CANX: variants seen among roughly 807,000 people sequenced by gnomAD.
CANX encodes the protein calnexin.
Under a neutral mutation model 75.7 loss-of-function variants are expected in CANX, and 14 were observed. The ratio of observed to expected loss-of-function variants is 0.19; its 90% CI spans 0.12 to 0.29. The LOEUF is 0.29. Ranked by LOEUF, CANX falls within the 10% of genes least tolerant of loss-of-function variation. CANX has a pLI of 1.00. For missense variants in CANX, 567 were observed against 713.2 expected, an observed-to-expected ratio of 0.79 and a Z score of 2.34; for synonymous variants, 227 against 236.9, an observed-to-expected ratio of 0.96 and a Z score of 0.38.
At chr5:179,724,102 C>T (rs988034503) in intron 12 of CANX, among the ~76,000 whole-genome samples, 2 of 152,266 alleles carry the variant, frequency 1.3e-5, no homozygotes, top group Non-Finnish European at 2.9e-5. Flanking sequence ...TCAGCTTTGC[C>T]TGCTGGCATA....
chr5:179,690,103 C>A (rs550263504), intron 1 of CANX, among the ~76,000 whole-genome samples: 1 of 152,294 alleles, frequency 6.6e-6, no homozygotes, highest in East Asian at 1.9e-4. Flanking sequence ...GGCTGTGAAT[C>A]ACACTGGGTG....
chr5:179,721,924 T>C (rs969566784), intron 10 of CANX, among the ~76,000 whole-genome samples: 3 of 152,146 alleles, frequency 2.0e-5, no homozygotes, highest in African/African-American at 7.2e-5. Flanking sequence ...TACTAATATA[T>C]GTTTTTCTGT....
chr5:179,718,871 G>T (rs1778131827), intron 8 of CANX, among the ~76,000 whole-genome samples: 1 of 151,698 alleles, frequency 6.6e-6, no homozygotes, highest in Admixed American at 6.6e-5. Context: ...CGTCATATTG[G>T]TCAGGCCGGT....
At chr5:179,717,335 C>T (rs919539261) in intron 8 of CANX, among the ~76,000 whole-genome samples, 2 of 152,152 alleles carry the variant, frequency 1.3e-5, no homozygotes, top group Non-Finnish European at 2.9e-5. Flanking sequence ...GCTTTATCAC[C>T]TAAGAAGGCC....
At chr5:179,684,924 GTATTTTTTTTTTT>G (rs1293991855) in intron 1 of CANX, among the ~76,000 whole-genome samples, 4 of 28,984 alleles carry the variant, frequency 1.4e-4, no homozygotes, top group Non-Finnish European at 2.0e-4. Flanking sequence ...GGCTAATTTT[GTATTTTTTTTTTT>G]TTTTTTTTTT....
intron 13 of CANX, among the ~76,000 whole-genome samples, chr5:179,725,197 T>G (rs1778566350): frequency 6.6e-6 from 1 of 151,980 alleles, no homozygotes; most frequent in East Asian, 1.9e-4. Flanking sequence ...AGCTGTTTGT[T>G]TGTTTGTTTG....
chr5:179,727,713 G>A (rs188277504), intron 14 of CANX, among the ~76,000 whole-genome samples: 3 of 152,282 alleles, frequency 2.0e-5, no homozygotes, highest in Admixed American at 6.5e-5. Context: ...GAATCAGGGC[G>A]ACCAGTTAGG....
chr5:179,725,215 A>G (rs1448205098), intron 13 of CANX, among the ~76,000 whole-genome samples: 2 of 151,728 alleles, frequency 1.3e-5, no homozygotes, highest in Non-Finnish European at 2.9e-5. Context: ...TTGTTTATTG[A>G]TTTATTTATT....
At chr5:179,714,068 A>G (rs1207252236) in intron 7 of CANX, among the ~76,000 whole-genome samples, 1 of 151,894 alleles carries the variant, frequency 6.6e-6, no homozygotes, top group Non-Finnish European at 1.5e-5. Flanking sequence ...GCCTGATCTC[A>G]GCTCACTGCA....
intron 1 of CANX, among the ~76,000 whole-genome samples, chr5:179,691,903 G>A (rs571725935): frequency 5.1e-4 from 70 of 136,232 alleles, no homozygotes; most frequent in East Asian, 1.8e-3. Context: ...TCAGCCTCCC[G>A]AGTAGCTGGG....
intron 1 of CANX, among the ~76,000 whole-genome samples, chr5:179,703,271 G>C (rs553188334): frequency 2.6e-4 from 39 of 150,202 alleles, no homozygotes; most frequent in Admixed American, 9.3e-4. Context: ...AGGCTGGAGT[G>C]CAGTGGCGCC....
At chr5:179,703,717 GGAAGTT>G (rs1332736005) in intron 1 of CANX, among the ~76,000 whole-genome samples, 2 of 151,802 alleles carry the variant, frequency 1.3e-5, no homozygotes, top group East Asian at 1.9e-4. Flanking sequence ...TCTTAATAGA[GGAAGTT>G]GAAGATTCCT....
intron 1 of CANX, among the ~76,000 whole-genome samples, chr5:179,702,210 A>AT (rs879273390): frequency 1.3e-3 from 189 of 142,856 alleles, no homozygotes; most frequent in Non-Finnish European, 1.8e-3. Flanking sequence ...CACTCAGCTA[A>AT]TTTTTTTTTT....
intron 1 of CANX, among the ~76,000 whole-genome samples, chr5:179,703,476 GA>G (rs2113117082): frequency 6.6e-6 from 1 of 152,138 alleles, no homozygotes; most frequent in Non-Finnish European, 1.5e-5. Flanking sequence ...AACGTGCTAG[GA>G]TTACAGGCGT....
chr5:179,695,049 CATTT>C (rs1165979445), upstream of CANX, among the ~76,000 whole-genome samples: 1 of 148,380 alleles, frequency 6.7e-6, no homozygotes, highest in Non-Finnish European at 1.5e-5. Flanking sequence ...TTATTTCTTT[CATTT>C]ATTTATTTAT....
At chr5:179,714,176 T>C (rs1777768960) in intron 7 of CANX, among the ~76,000 whole-genome samples, 1 of 152,096 alleles carries the variant, frequency 6.6e-6, no homozygotes, top group African/African-American at 2.4e-5. Context: ...TTTTTTTGTA[T>C]GTTTAGTAGA....
At chr5:179,678,744 G>A in exon 1 of CANX, 2 of 1,537,078 alleles carry the variant, frequency 1.3e-6, no homozygotes, top group Non-Finnish European at 1.7e-6. Context: ...GTCTCAGTCA[G>A]CATGTCTATG....
chr5:179,688,564 CGT>C (rs1353254689), intron 1 of CANX, among the ~76,000 whole-genome samples: 1 of 150,788 alleles, frequency 6.6e-6, no homozygotes, highest in Admixed American at 6.6e-5. Context: ...GGGGTCTCAC[CGT>C]GTTAGCCAGG....
At chr5:179,682,169 T>C (rs896927265) in intron 1 of CANX, among the ~76,000 whole-genome samples, 3 of 149,402 alleles carry the variant, frequency 2.0e-5, no homozygotes, top group African/African-American at 7.4e-5. Context: ...GGAGAATTGC[T>C]TGAACCTGGG....
Sources: allele counts gnomAD v4.1 joint callset (sites outside exome capture counted in the v4.1 genomes callset), GRCh38; gene constraint gnomAD v4.1.1; transcripts MANE v1.5; gene names NCBI Gene and HGNC (gene_info 2026-07-23, HGNC 2026-07-21).